RBMS1: variants seen among roughly 807,000 people sequenced by gnomAD.
RBMS1 encodes RNA-binding motif, single-stranded-interacting protein 1.
In RBMS1, 17 loss-of-function variants were observed where a neutral mutation model predicts 62.3. That is an observed-to-expected ratio of 0.27 (90% CI 0.19 to 0.41). RBMS1 has a LOEUF of 0.41. Among genes scored for constraint, RBMS1 ranks in the 10% least tolerant of loss-of-function variants. The probability of loss-of-function intolerance (pLI) is 1.00; values close to 1 mark genes in which losing one functional copy is unlikely to be tolerated. For synonymous variants in RBMS1, 172 were observed against 170.0 expected, an observed-to-expected ratio of 1.01 and a Z score of -0.09; for missense variants, 334 against 504.5, an observed-to-expected ratio of 0.66 and a Z score of 3.24.
chr2:160,342,869 C>T (rs986707214), intron 2 of RBMS1, among the ~76,000 whole-genome samples: 16 of 151,742 alleles, frequency 1.1e-4, no homozygotes, highest in Non-Finnish European at 1.8e-4. Context: ...ACCCGGAAAG[C>T]GGAGGTTGCA....
chr2:160,486,008 G>C (rs1049609400), intron 1 of RBMS1, among the ~76,000 whole-genome samples: 2 of 152,040 alleles, frequency 1.3e-5, no homozygotes, highest in African/African-American at 2.4e-5. Flanking sequence ...TAAAGTTGAC[G>C]ATATTACAAA....
At chr2:160,300,522 T>C in intron 6 of RBMS1, 129 bp downstream of exon 6, 1 of 1,290,266 alleles carries the variant, frequency 7.8e-7, no homozygotes, top group Non-Finnish European at 1.0e-6. Context: ...GTCTTATTTC[T>C]AAATCCAACA....
intron 2 of RBMS1, among the ~76,000 whole-genome samples, chr2:160,328,407 GTT>G (rs34864470): frequency 1.3e-4 from 19 of 145,382 alleles, no homozygotes; most frequent in Middle Eastern, 7.0e-3. Context: ...TTTCAGCACA[GTT>G]TTTTTTTTTT....
At chr2:160,477,966 C>A (rs1685212075) in intron 1 of RBMS1, among the ~76,000 whole-genome samples, 1 of 152,192 alleles carries the variant, frequency 6.6e-6, no homozygotes, top group Non-Finnish European at 1.5e-5. Flanking sequence ...TTATTAACAT[C>A]AAAAAATGTT....
chr2:160,471,827 G>A (rs969028781), intron 1 of RBMS1, among the ~76,000 whole-genome samples: 4 of 150,886 alleles, frequency 2.7e-5, no homozygotes, highest in African/African-American at 9.7e-5. Context: ...TGTATTAAGG[G>A]CTCTAAACTA....
At chr2:160,389,236 G>A (rs925876556) in intron 1 of RBMS1, among the ~76,000 whole-genome samples, 4 of 152,154 alleles carry the variant, frequency 2.6e-5, no homozygotes, top group African/African-American at 9.7e-5. Context: ...ATGTGATGAG[G>A]AAACACAATT....
intron 2 of RBMS1, among the ~76,000 whole-genome samples, chr2:160,340,276 A>ATC (rs1691801427): frequency 6.6e-6 from 1 of 152,216 alleles, no homozygotes; most frequent in Non-Finnish European, 1.5e-5. Context: ...ATTTGAAAAC[A>ATC]TCTCTAATTC....
At chr2:160,477,385 A>C (rs865783254) in intron 1 of RBMS1, among the ~76,000 whole-genome samples, 2 of 152,290 alleles carry the variant, frequency 1.3e-5, no homozygotes, top group Middle Eastern at 3.4e-3. Context: ...AAAAAATTTT[A>C]TATACTTGCT....
chr2:160,372,086 T>TTATTTATTTAAAAAAAAAACTTTA (rs1693753934), intron 1 of RBMS1, among the ~76,000 whole-genome samples: 2 of 152,148 alleles, frequency 1.3e-5, no homozygotes, highest in African/African-American at 2.4e-5. Flanking sequence ...AACAAAAACT[T>TTATTTATTTAAAAAAAAAACTTTA]GTCATTTAAA....
chr2:160,366,580 G>T (rs1222367950), intron 2 of RBMS1, among the ~76,000 whole-genome samples: 1 of 152,156 alleles, frequency 6.6e-6, no homozygotes, highest in Non-Finnish European at 1.5e-5. Flanking sequence ...TGTAATTGCA[G>T]CAAAGAAGCA....
chr2:160,403,802 A>AAAGTATG (rs1406426814), intron 1 of RBMS1, among the ~76,000 whole-genome samples: 1 of 152,234 alleles, frequency 6.6e-6, no homozygotes, highest in Admixed American at 6.5e-5. Flanking sequence ...TGCAGAAACC[A>AAAGTATG]AAGTATGGTT....
chr2:160,344,219 G>C (rs531656676), intron 2 of RBMS1, among the ~76,000 whole-genome samples: 7 of 152,246 alleles, frequency 4.6e-5, no homozygotes, highest in Admixed American at 1.3e-4. Context: ...ATGCCACATA[G>C]TCCTCGCAAT....
Position 160,431,988 on chromosome 2 carries a change from G to A in RBMS1, c.75+61301C>T, listed in dbSNP as rs575519024. Among the ~76,000 whole-genome samples, 3 of 152,202 alleles carry A rather than the reference G, an allele frequency of 2.0e-5. No individual in the cohort carries two copies. In the East Asian group the frequency reaches 5.8e-4, roughly 29 times the overall value. On this transcript the variant is annotated intron_variant, in intron 1 of 13. Coordinates refer to ENST00000348849, the MANE Select transcript of RBMS1 (RefSeq NM_016836.4). ...TCATTATAAAAGCTCTTTGAGAAAC[G>A]GGGTTGTGCCTGTTTTGCTCATTGT...
chr2:160,368,899 C>A (rs775863465), intron 1 of RBMS1, among the ~76,000 whole-genome samples: 1 of 152,162 alleles, frequency 6.6e-6, no homozygotes, highest in East Asian at 1.9e-4. Context: ...CTCGGTTTCC[C>A]AAAGTGCTGG....
At chr2:160,454,336 C>A (rs1006722766) in intron 1 of RBMS1, among the ~76,000 whole-genome samples, 2 of 152,128 alleles carry the variant, frequency 1.3e-5, no homozygotes, top group African/African-American at 4.8e-5. Flanking sequence ...ACTATTTGTG[C>A]TAGGTACACA....
chr2:160,353,574 A>C (rs577205270), intron 2 of RBMS1, among the ~76,000 whole-genome samples: 2 of 152,256 alleles, frequency 1.3e-5, no homozygotes, highest in East Asian at 3.9e-4. Flanking sequence ...GTTCTTTGGC[A>C]AGAAACTGAA....
In RBMS1 at chr2:160,367,368, G is replaced by A. The variant is rs767641720; in HGVS notation, c.99C>T (p.Pro33=). Residue 33 remains proline (P), a synonymous_variant, in exon 2 of 14, where the codon CCC becomes CCT. Transcript: ENST00000348849. ...QAKQSLVPAH[P]MAPPSPSTTS... is the part of the protein sequence containing the mutation. The stretch of plus-strand genomic sequence containing the variant: ...TGGTGCTGGGACTGGGAGGGGCCAT[G>A]GGGTGGGCTGGGACCAGAGACTGCT... The A allele has an allele frequency of 6.2e-7, 1 of 1,614,060 alleles. No individual in the cohort carries two copies. Among genetic ancestry groups the A allele is most frequent in the Non-Finnish European group, 8.5e-7 (1 of 1,179,992 alleles).
intron 2 of RBMS1, among the ~76,000 whole-genome samples, chr2:160,336,454 C>G (rs1691575752): frequency 6.6e-6 from 1 of 152,018 alleles, no homozygotes; most frequent in Admixed American, 6.6e-5. Context: ...GAGACACAGA[C>G]CATGAAGAAA....
intron 1 of RBMS1, chr2:160,407,629 G>A (rs1695821164): frequency 2.0e-6 from 2 of 982,104 alleles, no homozygotes; most frequent in Admixed American, 6.3e-5. Context: ...GCCGGGCCCG[G>A]GGCCGCGGCA....
Sources: allele counts gnomAD v4.1 joint callset (sites outside exome capture counted in the v4.1 genomes callset), GRCh38; gene constraint gnomAD v4.1.1; transcripts MANE v1.5; gene names NCBI Gene and HGNC (gene_info 2026-07-23, HGNC 2026-07-21).